The following PLA2G5 variants were observed in gnomAD, a reference collection of about 807,000 sequenced individuals.
PLA2G5 encodes phospholipase A2 group V.
In PLA2G5, 12 loss-of-function variants were observed where a neutral mutation model predicts 15.9. That is an observed-to-expected ratio of 0.76 (90% confidence interval 0.48 to 1.23). The LOEUF is 1.23. Among genes scored for constraint, PLA2G5 ranks in the 50% most tolerant of loss-of-function variants. The probability of loss-of-function intolerance (pLI) is 0.00; values close to 1 mark genes in which losing one functional copy is unlikely to be tolerated. For synonymous variants in PLA2G5, 71 were observed against 71.4 expected (o/e 0.99, Z 0.03); for missense variants, 169 against 177.1 (o/e 0.95, Z 0.26).
intron 1 of PLA2G5, among the ~76,000 whole-genome samples, chr1:20,048,592 A>G (rs2014035092): frequency 6.6e-6 from 1 of 152,206 alleles, no homozygotes; most frequent in Non-Finnish European, 1.5e-5. Flanking sequence ...GACTGTTATC[A>G]TCTTTATTTC....
At chr1:20,077,736 G>A (rs1326137360) in intron 1 of PLA2G5, among the ~76,000 whole-genome samples, 2 of 152,144 alleles carry the variant, frequency 1.3e-5, no homozygotes, top group Non-Finnish European at 2.9e-5. Flanking sequence ...ACCCAAAGAG[G>A]AGAAAAAGCT....
At chr1:20,074,357 G>C (rs1357311633) in intron 1 of PLA2G5, among the ~76,000 whole-genome samples, 2 of 152,186 alleles carry the variant, frequency 1.3e-5, no homozygotes, top group African/African-American at 2.4e-5. Flanking sequence ...ACAGGGCAGG[G>C]AGCACAAAAT....
At chr1:20,067,691 CAA>C (rs71010531), upstream of PLA2G5, among the ~76,000 whole-genome samples, 25 of 136,788 alleles carry the variant, frequency 1.8e-4, no homozygotes, top group East Asian at 2.0e-3. Context: ...CTGTCTCAAA[CAA>C]AAAAAAAAAT....
intron 1 of PLA2G5, among the ~76,000 whole-genome samples, chr1:20,073,861 C>T (rs1242474535): frequency 6.6e-6 from 1 of 151,764 alleles, no homozygotes; most frequent in Non-Finnish European, 1.5e-5. Flanking sequence ...CAGAGGGAGA[C>T]TCCATCCAAA....
At chr1:20,030,514 G>T (rs1003891762) in intron 1 of PLA2G5, among the ~76,000 whole-genome samples, 6 of 151,940 alleles carry the variant, frequency 3.9e-5, no homozygotes, top group Non-Finnish European at 8.8e-5. Flanking sequence ...TCCCAGGGAT[G>T]AGCAGGAGAC....
In PLA2G5 at chr1:20,090,705, A is replaced by G; in HGVS notation, c.*13A>G. 2 of 1,613,780 alleles carry G rather than the reference A, an allele frequency of 1.2e-6. No individual in the cohort carries two copies. Among genetic ancestry groups the G allele is most frequent in the South Asian group, 1.1e-5 (1 of 91,050 alleles). Reference sequence around the variant, plus strand: ...CCTCTGCTCCTAGGCCTCCCCAGCGAGCTCCTCCCAGACCAAGACTTTTGT... The same window carrying G: ...CCTCTGCTCCTAGGCCTCCCCAGCGGGCTCCTCCCAGACCAAGACTTTTGT... On this transcript the variant is annotated 3_prime_UTR_variant, in exon 5 of 5. Transcript: ENST00000375108.
At chr1:20,087,868 GC>G (rs1299466318) in intron 3 of PLA2G5, among the ~76,000 whole-genome samples, 1 of 152,144 alleles carries the variant, frequency 6.6e-6, no homozygotes, top group Non-Finnish European at 1.5e-5. Context: ...GACTGAAAGA[GC>G]CCCCAGTGGC....
chr1:20,035,583 C>T (rs1259580278), intron 1 of PLA2G5, among the ~76,000 whole-genome samples: 4 of 152,142 alleles, frequency 2.6e-5, no homozygotes, highest in African/African-American at 9.7e-5. Context: ...TCTTTTTCCA[C>T]CCCTATACCT....
In PLA2G5 at chr1:20,090,675, A is replaced by C. The variant is rs2100653665; in HGVS notation, c.400A>C (p.Asn134His). 1.2e-6 allele frequency: 2 copies of C among 1,614,032 alleles called. No homozygotes were observed. Among genetic ancestry groups the C allele is most frequent in the Non-Finnish European group, 1.7e-6 (2 of 1,179,958 alleles). Residue 134 changes from asparagine to histidine, a missense_variant, in exon 5 of 5, where the codon AAC becomes CAC. Physicochemically the swap from Asn to His is moderately conservative, Grantham distance 68. Coordinates refer to ENST00000375108, the MANE Select transcript of PLA2G5 (RefSeq NM_000929.3). ...CAACCCACAGTACCAATACTTTCCC[A>C]ACATCCTCTGCTCCTAGGCCTCCCC... ...SYNPQYQYFP[N>H]ILCS
intron 1 of PLA2G5, among the ~76,000 whole-genome samples, chr1:20,077,134 T>C (rs1450579039): frequency 6.6e-6 from 1 of 152,248 alleles, no homozygotes; most frequent in East Asian, 1.9e-4. Context: ...TCAGACATTG[T>C]TCCAGGTGCT....
chr1:20,074,623 T>G (rs562741662), intron 1 of PLA2G5, among the ~76,000 whole-genome samples: 285 of 152,256 alleles, frequency 1.9e-3, no homozygotes, highest in African/African-American at 6.5e-3. Flanking sequence ...CCACCTCCCA[T>G]GCGACATTTC....
intron 1 of PLA2G5, among the ~76,000 whole-genome samples, chr1:20,081,069 G>A (rs956716338): frequency 3.3e-5 from 5 of 151,900 alleles, no homozygotes; most frequent in East Asian, 1.9e-4. Flanking sequence ...TGGGGGACCC[G>A]TCCCTTGGCA....
chr1:20,058,542 A>T (rs1238495852), intron 1 of PLA2G5, among the ~76,000 whole-genome samples: 2 of 152,202 alleles, frequency 1.3e-5, no homozygotes, highest in Non-Finnish European at 2.9e-5. Context: ...ACTTGTAGAC[A>T]ACATGCCTGG....
In PLA2G5 at chr1:20,089,105, T is replaced by A. The variant is rs149174886; in HGVS notation, c.186-684T>A. ...CATGAGCCACCGCGCCCAGCTGCGA[T>A]CACATACTTTAAATCATTTCTAAAT... On this transcript the variant is annotated intron_variant, in intron 3 of 4. Coordinates refer to ENST00000375108, the MANE Select transcript of PLA2G5 (RefSeq NM_000929.3). 2.0e-4 allele frequency among the ~76,000 whole-genome samples: 31 copies of A among 152,320 alleles called. No homozygotes were observed. The East Asian group carries it at 6.0e-3, about 29-fold the overall frequency.
At chr1:20,070,170 AG>A (rs1349817989), upstream of PLA2G5, 1 of 984,652 alleles carries the variant, frequency 1.0e-6, no homozygotes, top group Non-Finnish European at 1.2e-6. Flanking sequence ...CTGATTGTGC[AG>A]GACTTCCTGC....
chr1:20,061,127 C>G (rs945533035), intron 2 of PLA2G5, among the ~76,000 whole-genome samples: 4 of 152,186 alleles, frequency 2.6e-5, no homozygotes, highest in African/African-American at 2.4e-5. Context: ...CTCCATTGCT[C>G]TCACCTCTCT....
At chr1:20,076,680 T>C (rs576757819) in intron 1 of PLA2G5, 25 of 152,358 alleles carry the variant, frequency 1.6e-4, no homozygotes, top group African/African-American at 5.5e-4. Flanking sequence ...CTTGCACTTG[T>C]AGCATAGCAA....
chr1:20,042,730 C>G (rs1344280564), intron 1 of PLA2G5, among the ~76,000 whole-genome samples: 2 of 151,948 alleles, frequency 1.3e-5, no homozygotes, highest in African/African-American at 4.8e-5. Context: ...AGGAAAGCAG[C>G]TGTTACTTTG....
intron 1 of PLA2G5, among the ~76,000 whole-genome samples, chr1:20,078,163 G>T (rs2015789476): frequency 6.6e-6 from 1 of 152,126 alleles, no homozygotes; most frequent in African/African-American, 2.4e-5. Flanking sequence ...CAAGATGAGT[G>T]CCCTGAAGGA....
Sources: gnomAD v4.1 joint callset for allele counts (sites outside exome capture counted in the v4.1 genomes callset) on GRCh38, gnomAD v4.1.1 for gene constraint, MANE v1.5 for transcripts, NCBI Gene and HGNC (gene_info 2026-07-23, HGNC 2026-07-21) for gene names.